The following EYS variants were observed in gnomAD, a reference collection of about 807,000 sequenced individuals.
The protein encoded by EYS is EGF-like photoreceptor maintenance factor.
In EYS, 250 loss-of-function variants were observed where a neutral mutation model predicts 282.1. The ratio of observed to expected loss-of-function variants is 0.89; its 90% CI spans 0.80 to 0.98. EYS has a LOEUF of 0.98. Ranked by LOEUF, EYS falls within the 50% of genes least tolerant of loss-of-function variation. The pLI is 0.00. For missense variants in EYS, 4,016 were observed against 3,709.0 expected (o/e 1.08, Z -2.15); for synonymous variants, 1,355 against 1,282.9 (o/e 1.06, Z -1.20).
chr6:64,816,985 A>C (rs1156664656), intron 21 of EYS, among the ~76,000 whole-genome samples: 1 of 151,414 alleles, frequency 6.6e-6, no homozygotes, highest in East Asian at 1.9e-4. Context: ...ATTATATATA[A>C]AGTAGAATAA....
chr6:64,721,781 T>C (rs1367422339), intron 22 of EYS, among the ~76,000 whole-genome samples: 1 of 152,190 alleles, frequency 6.6e-6, no homozygotes, highest in African/African-American at 2.4e-5. Context: ...GCCAGTATAA[T>C]CACCACATTG....
At chr6:65,078,562 G>T (rs1277782799) in intron 12 of EYS, among the ~76,000 whole-genome samples, 1 of 152,020 alleles carries the variant, frequency 6.6e-6, no homozygotes, top group Non-Finnish European at 1.5e-5. Flanking sequence ...GTATGTGAAT[G>T]AAGTTCCAAA....
At chr6:64,621,749 T>C (rs1372535447) in intron 23 of EYS, among the ~76,000 whole-genome samples, 2 of 152,162 alleles carry the variant, frequency 1.3e-5, no homozygotes, top group Non-Finnish European at 2.9e-5. Flanking sequence ...AACATGCATT[T>C]GAAGTTTGCA....
At chr6:63,872,825 T>G (rs1772848694) in intron 35 of EYS, among the ~76,000 whole-genome samples, 1 of 151,946 alleles carries the variant, frequency 6.6e-6, no homozygotes, top group Non-Finnish European at 1.5e-5. Context: ...ATTAATCCCA[T>G]GTTACTGGAT....
chr6:65,220,411 T>C (rs928643238), intron 12 of EYS, among the ~76,000 whole-genome samples: 2 of 152,072 alleles, frequency 1.3e-5, no homozygotes, highest in African/African-American at 2.4e-5. Flanking sequence ...TTTCTCATGA[T>C]AGTGAATAAG....
chr6:64,539,943 T>C (rs1211028327), intron 26 of EYS, among the ~76,000 whole-genome samples: 1 of 152,178 alleles, frequency 6.6e-6, no homozygotes, highest in African/African-American at 2.4e-5. Flanking sequence ...ACTTCTGAAA[T>C]AATTGTGTCC....
intron 29 of EYS, among the ~76,000 whole-genome samples, chr6:64,320,935 C>G (rs536349438): frequency 2.0e-5 from 3 of 151,526 alleles, no homozygotes; most frequent in Non-Finnish European, 4.4e-5. Context: ...TATTTTTAAA[C>G]GAAAAATTCC....
At chr6:63,887,957 G>C (rs1040425033) in intron 35 of EYS, among the ~76,000 whole-genome samples, 5 of 152,160 alleles carry the variant, frequency 3.3e-5, no homozygotes, top group South Asian at 2.1e-4. Context: ...GAGCTTGGTG[G>C]GGGGAGGGGC....
At chr6:65,656,172 C>T (rs749474629) in intron 1 of EYS, among the ~76,000 whole-genome samples, 32 of 151,856 alleles carry the variant, frequency 2.1e-4, no homozygotes, top group Non-Finnish European at 3.8e-4. Flanking sequence ...CTTTCCTCCC[C>T]GTCTCCTCAG....
At chr6:64,628,167 A>G (rs1767669983) in intron 22 of EYS, among the ~76,000 whole-genome samples, 1 of 152,160 alleles carries the variant, frequency 6.6e-6, no homozygotes, top group African/African-American at 2.4e-5. Flanking sequence ...TGTACTGTGA[A>G]GATGACATCT....
At chr6:64,183,339 T>A (rs2150312671) in intron 31 of EYS, among the ~76,000 whole-genome samples, 1 of 152,284 alleles carries the variant, frequency 6.6e-6, no homozygotes, top group Non-Finnish European at 1.5e-5. Context: ...GCTAGATTAG[T>A]GCCCTACTCA....
rs77523865 is a variant in EYS, at chr6:64,590,970, T to C, written c.4897A>G (p.Lys1633Glu). 3.2e-5 allele frequency: 49 copies of C among 1,551,232 alleles called. No individual in the cohort carries two copies. The East Asian group carries it at 1.1e-3, about 36-fold the overall frequency. ...FTEVPSLFPS[K>E]KSAKRTILSS... is the part of the protein sequence containing the mutation. ...AAAATTGTTCTTTTTGCACTCTTTT[T>C]AGAAGGAAATAAAGATGGCACTTCT... is the stretch of plus-strand genomic sequence containing the variant. Residue 1633 changes from lysine to glutamate, a missense_variant, in exon 26 of 43, where the codon AAA becomes GAA. Coordinates refer to ENST00000503581, the MANE Select transcript of EYS (RefSeq NM_001142800.2).
At chr6:65,292,073 T>C (rs551419803) in intron 12 of EYS, among the ~76,000 whole-genome samples, 1 of 151,768 alleles carries the variant, frequency 6.6e-6, no homozygotes, top group East Asian at 1.9e-4. Flanking sequence ...CCCCGGTGAC[T>C]AAAAACAAAA....
At chr6:64,913,611 G>A (rs1768069405) in intron 15 of EYS, among the ~76,000 whole-genome samples, 1 of 152,116 alleles carries the variant, frequency 6.6e-6, no homozygotes, top group South Asian at 2.1e-4. Context: ...GGTTTTGTAG[G>A]ATTCCACAGT....
intron 41 of EYS, among the ~76,000 whole-genome samples, chr6:63,757,371 C>G (rs910024267): frequency 6.6e-6 from 1 of 152,092 alleles, no homozygotes; most frequent in Non-Finnish European, 1.5e-5. Context: ...GACTGGTTCT[C>G]TGCTCTGAAA....
chr6:64,686,841 GTA>G (rs1279094020), intron 22 of EYS, among the ~76,000 whole-genome samples: 1,034 of 98,728 alleles, frequency 0.01, 298 homozygotes, highest in South Asian at 0.04. Flanking sequence ...ATATATACGT[GTA>G]TATATATATA....
intron 12 of EYS, among the ~76,000 whole-genome samples, chr6:65,140,123 C>G (rs182551913): frequency 1.3e-5 from 2 of 151,416 alleles, no homozygotes; most frequent in Non-Finnish European, 2.9e-5. Flanking sequence ...AATCCTTCAA[C>G]GAGCAATTAT....
At chr6:64,384,773 C>T (rs1772857339) in intron 29 of EYS, among the ~76,000 whole-genome samples, 2 of 152,176 alleles carry the variant, frequency 1.3e-5, no homozygotes, top group South Asian at 2.1e-4. Flanking sequence ...TCAGGGGAAG[C>T]AGAGTTTTTC....
chr6:65,082,837 CAT>C (rs1457721878), intron 12 of EYS, among the ~76,000 whole-genome samples: 1 of 151,702 alleles, frequency 6.6e-6, no homozygotes, highest in Non-Finnish European at 1.5e-5. Flanking sequence ...TCTTAAGTAA[CAT>C]ATTAAATAAC....
Sources: gnomAD v4.1 joint callset for allele counts (sites outside exome capture counted in the v4.1 genomes callset) on GRCh38, gnomAD v4.1.1 for gene constraint, MANE v1.5 for transcripts, NCBI Gene and HGNC (gene_info 2026-07-23, HGNC 2026-07-21) for gene names.